Variants in OSBPL10 observed in about 807,000 individuals in gnomAD.
OSBPL10 encodes oxysterol binding protein like 10.
In OSBPL10, 49 loss-of-function variants were observed where a neutral mutation model predicts 81.7. That is an observed-to-expected ratio of 0.60 (90% confidence interval 0.48 to 0.76). OSBPL10 has a LOEUF of 0.76. OSBPL10 is among the 30% of genes least tolerant of loss of function. The probability of loss-of-function intolerance (pLI) is 0.00; values close to 1 mark genes in which losing one functional copy is unlikely to be tolerated. For synonymous variants in OSBPL10, 419 were observed against 383.6 expected, an observed-to-expected ratio of 1.09 and a Z score of -1.08; for missense variants, 923 against 987.8, an observed-to-expected ratio of 0.93 and a Z score of 0.88.
intron 1 of OSBPL10, among the ~76,000 whole-genome samples, chr3:31,929,998 C>A (rs1697192132): frequency 3.0e-5 from 1 of 33,606 alleles, no homozygotes; most frequent in Non-Finnish European, 6.3e-5. Flanking sequence ...GACCCTGTCA[C>A]CAACCAAAAA....
chr3:31,965,826 AAATATAT>A (rs1168806202), intron 1 of OSBPL10, among the ~76,000 whole-genome samples: 3 of 34,692 alleles, frequency 8.6e-5, no homozygotes, highest in Non-Finnish European at 1.1e-4. Flanking sequence ...TATATTATAT[AAATATAT>A]AATATATATT....
intron 1 of OSBPL10, among the ~76,000 whole-genome samples, chr3:31,892,186 G>A (rs764243201): frequency 5.3e-5 from 8 of 151,982 alleles, no homozygotes; most frequent in Non-Finnish European, 1.2e-4. Flanking sequence ...CCAAGCAGAG[G>A]AAGGAGCACG....
intron 6 of OSBPL10, chr3:31,704,516 C>A (rs1259773946): frequency 6.6e-6 from 1 of 152,204 alleles, no homozygotes; most frequent in Non-Finnish European, 1.5e-5. Context: ...CCATGGTGTA[C>A]CCAACAGGTG....
rs1404589925 is a variant in OSBPL10 at position 31,802,043 on chromosome 3, G to A, written c.729+27997C>T. On this transcript the variant is annotated intron_variant, in intron 4 of 11. Transcript: ENST00000396556. ...TCTCCATATTGGTCAGGCTGGTCTC[G>A]AACTCCCGACCTCAGGTGATCCGTC... Among the ~76,000 whole-genome samples the A allele has an allele frequency of 7.9e-5, 12 of 151,366 alleles. No individual in the cohort carries two copies. In the East Asian group the frequency reaches 1.6e-3, roughly 20 times the overall value.
chr3:32,002,266 A>T (rs1214292767), intron 2 of OSBPL10, among the ~76,000 whole-genome samples: 4 of 152,206 alleles, frequency 2.6e-5, no homozygotes, highest in Non-Finnish European at 5.9e-5. Flanking sequence ...GACCAGCAGG[A>T]ACAAAGCCTA....
intron 1 of OSBPL10, among the ~76,000 whole-genome samples, chr3:31,974,105 C>A (rs1698634805): frequency 6.6e-6 from 1 of 152,180 alleles, no homozygotes. Context: ...AAAAGGCAGA[C>A]ACCCAACAGA....
chr3:31,986,933 G>T (rs1698941175), intron 2 of OSBPL10, among the ~76,000 whole-genome samples: 1 of 152,124 alleles, frequency 6.6e-6, no homozygotes, highest in Non-Finnish European at 1.5e-5. Context: ...CTTGCGCCCA[G>T]AAATTTGAGG....
intron 6 of OSBPL10, among the ~76,000 whole-genome samples, chr3:31,725,838 G>A (rs748117118): frequency 4.6e-4 from 70 of 151,936 alleles, no homozygotes; most frequent in Middle Eastern, 3.4e-3. Context: ...GAACCTCATC[G>A]TTCACATTCA....
intron 3 of OSBPL10, among the ~76,000 whole-genome samples, chr3:31,842,975 G>A (rs559101562): frequency 3.3e-5 from 5 of 152,270 alleles, no homozygotes; most frequent in East Asian, 1.9e-4. Context: ...TATAAGCAGC[G>A]ACAAACAGAG....
At position 31,744,678 on chromosome 3, in the gene OSBPL10, C is replaced by T. The variant is rs190173481; in HGVS notation, c.940+3232G>A. Among the ~76,000 whole-genome samples, 364 of 152,098 alleles carry T rather than the reference C, an allele frequency of 2.4e-3. 5 individuals are homozygous for T. Among genetic ancestry groups the T allele is most frequent in the African/African-American group, 8.2e-3 (339 of 41,514 alleles). On this transcript the variant is annotated intron_variant, in intron 5 of 11. Transcript: ENST00000396556. ...ATTTTAGGGACACTTCTTGGTCTCC[C>T]CTTTTCCCAATAATTTCCATTTCAA...
At position 31,955,462 on chromosome 3, in the gene OSBPL10, C is replaced by T. The variant is rs373312871; in HGVS notation, c.281+25437G>A. Among the ~76,000 whole-genome samples, 14 of 152,330 alleles carry T rather than the reference C, an allele frequency of 9.2e-5. 1 individual carries two copies. The highest frequency in any genetic ancestry group is 3.4e-4 in the African/African-American group (14 of 41,574). On this transcript the variant is annotated intron_variant, in intron 1 of 11. Coordinates refer to ENST00000396556, the MANE Select transcript of OSBPL10 (RefSeq NM_017784.5). Reference sequence around the variant, plus strand: ...GCAAAGGTCAGGACTGTGCCAAAGGCTCAGGCATGGCACTGCAGCCACAGC... The same window carrying T: ...GCAAAGGTCAGGACTGTGCCAAAGGTTCAGGCATGGCACTGCAGCCACAGC...
intron 1 of OSBPL10, among the ~76,000 whole-genome samples, chr3:31,971,007 G>T (rs1698547091): frequency 6.6e-6 from 1 of 151,804 alleles, no homozygotes; most frequent in Non-Finnish European, 1.5e-5. Context: ...TCCTCCACCT[G>T]CGACTTCTGC....
intron 1 of OSBPL10, among the ~76,000 whole-genome samples, chr3:32,055,578 T>C (rs1328289774): frequency 2.6e-5 from 4 of 152,238 alleles, no homozygotes; most frequent in African/African-American, 9.6e-5. Context: ...ATTTGGAAAC[T>C]AGTTGTGAGT....
At chr3:31,969,305 G>C (rs1014154063) in intron 1 of OSBPL10, 1 of 152,778 alleles carries the variant, frequency 6.5e-6, no homozygotes, top group Non-Finnish European at 1.5e-5. Flanking sequence ...CACTCAGGCA[G>C]AGAAAGGACA....
chr3:31,951,953 T>C (rs1446782251), intron 1 of OSBPL10, among the ~76,000 whole-genome samples: 1 of 152,174 alleles, frequency 6.6e-6, no homozygotes, highest in Non-Finnish European at 1.5e-5. Context: ...AATCCCTGCC[T>C]AAAACTCCAT....
At chr3:31,916,506 G>A (rs1020475534) in intron 1 of OSBPL10, among the ~76,000 whole-genome samples, 10 of 152,100 alleles carry the variant, frequency 6.6e-5, no homozygotes, top group Admixed American at 5.9e-4. Context: ...TAAAATATCT[G>A]ACACCTTTTT....
intron 7 of OSBPL10, among the ~76,000 whole-genome samples, chr3:31,690,769 G>A (rs1559417725): frequency 2.0e-5 from 3 of 152,174 alleles, no homozygotes; most frequent in Admixed American, 1.3e-4. Context: ...ATCTTCTGTT[G>A]TGTGTTTCAT....
In OSBPL10 at chr3:31,792,443, CT is replaced by C. The variant is rs1271218012; in HGVS notation, c.729+37596del. ...TAAACAGGTTGCAAAATGGTTCCCC[CT>C]CTCCCACTCTCAACATTGGCGACAA... On this transcript the variant is annotated intron_variant, in intron 4 of 11. Coordinates refer to ENST00000396556, the MANE Select transcript of OSBPL10 (RefSeq NM_017784.5). Among the ~76,000 whole-genome samples, 23 of 152,260 alleles carry C rather than the reference CT, an allele frequency of 1.5e-4. No homozygotes were observed. The East Asian group carries it at 3.1e-3, about 20-fold the overall frequency.
At chr3:32,023,757 A>G (rs1336980090) in intron 2 of OSBPL10, among the ~76,000 whole-genome samples, 1 of 151,988 alleles carries the variant, frequency 6.6e-6, no homozygotes, top group Non-Finnish European at 1.5e-5. Flanking sequence ...ATATTCCAAG[A>G]CCCCTCAGTG....
Sources: allele counts gnomAD v4.1 joint callset (sites outside exome capture counted in the v4.1 genomes callset), GRCh38; gene constraint gnomAD v4.1.1; transcripts MANE v1.5; gene names NCBI Gene and HGNC (gene_info 2026-07-23, HGNC 2026-07-21).